GTF2IRD1: variants seen among roughly 807,000 people sequenced by gnomAD.
The protein encoded by GTF2IRD1 is general transcription factor II-I repeat domain-containing protein 1.
GTF2IRD1 carries 26 observed loss-of-function variants against 113.2 expected under a neutral mutation model. That is an observed-to-expected ratio of 0.23 (90% CI 0.17 to 0.32). GTF2IRD1 has a LOEUF of 0.32. Among genes scored for constraint, GTF2IRD1 ranks in the 10% least tolerant of loss-of-function variants. GTF2IRD1 has a pLI of 1.00. For missense variants in GTF2IRD1, 864 were observed against 1,280.8 expected (o/e 0.67, Z 4.97); for synonymous variants, 484 against 529.1 (o/e 0.91, Z 1.17).
At chr7:74,530,608 A>AAAAAG (rs1797908341) in intron 9 of GTF2IRD1, among the ~76,000 whole-genome samples, 1 of 149,276 alleles carries the variant, frequency 6.7e-6, no homozygotes, top group Non-Finnish European at 1.5e-5. Context: ...AAAAAAAAAA[A>AAAAAG]AGGCGGCAGG....
chr7:74,471,672 T>TAA (rs66929736), intron 1 of GTF2IRD1, among the ~76,000 whole-genome samples: 25 of 104,686 alleles, frequency 2.4e-4, no homozygotes, highest in Non-Finnish European at 3.7e-4. Flanking sequence ...TTGAAATATT[T>TAA]AAAAAAAAAA....
chr7:74,497,758 G>A (rs1238068089), intron 1 of GTF2IRD1, among the ~76,000 whole-genome samples: 1 of 151,684 alleles, frequency 6.6e-6, no homozygotes, highest in Non-Finnish European at 1.5e-5. Flanking sequence ...CGCCTGGAGT[G>A]CAATGGCATG....
chr7:74,508,681 A>AC (rs1317275579), intron 2 of GTF2IRD1, among the ~76,000 whole-genome samples: 1 of 135,396 alleles, frequency 7.4e-6, no homozygotes, highest in Non-Finnish European at 1.5e-5. Flanking sequence ...ACAGGGCAAG[A>AC]CTCCGTCTTA....
At chr7:74,582,942 C>G (rs1449493995) in intron 22 of GTF2IRD1, among the ~76,000 whole-genome samples, 1 of 151,680 alleles carries the variant, frequency 6.6e-6, no homozygotes, top group Non-Finnish European at 1.5e-5. Flanking sequence ...CCAGCTACTG[C>G]ACTCCAGCCT....
chr7:74,547,336 C>T, intron 17 of GTF2IRD1, 50 bp downstream of exon 17: 1 of 1,437,838 alleles, frequency 7.0e-7, no homozygotes, highest in Non-Finnish European at 9.5e-7. Context: ...TGCTCAGCAC[C>T]AAGGGGCAGG....
intron 9 of GTF2IRD1, among the ~76,000 whole-genome samples, chr7:74,530,493 AT>A (rs57782999): frequency 0.2 from 20,662 of 102,186 alleles, 1,999 homozygotes; most frequent in African/African-American, 0.32. Context: ...GCACTTTGTA[AT>A]TTTTTTTTTT....
At chr7:74,565,116 C>A (rs587721624) in intron 22 of GTF2IRD1, among the ~76,000 whole-genome samples, 1 of 152,166 alleles carries the variant, frequency 6.6e-6, no homozygotes, top group African/African-American at 2.4e-5. Flanking sequence ...CAGCCCTGCC[C>A]GCAAGGGGCT....
intron 22 of GTF2IRD1, among the ~76,000 whole-genome samples, chr7:74,587,790 T>G (rs1255774628): frequency 2.0e-5 from 3 of 152,048 alleles, no homozygotes; most frequent in Non-Finnish European, 4.4e-5. Context: ...TCTCCAGGGC[T>G]AACTGACTCC....
At chr7:74,532,317 G>A (rs148201666) in intron 9 of GTF2IRD1, among the ~76,000 whole-genome samples, 36 of 152,296 alleles carry the variant, frequency 2.4e-4, no homozygotes, top group African/African-American at 7.9e-4. Flanking sequence ...ACTTGGAAAG[G>A]CTGAGACAGG....
chr7:74,482,701 G>A lies in GTF2IRD1; in HGVS notation c.-6-25374G>A, dbSNP rs918949770. ...CTCTCCCTGACCCACCACGATAACC[G>A]CCGTTCCATCTCCTGGCTTCAGAAT... is the stretch of plus-strand genomic sequence containing the variant. On this transcript the variant is annotated intron_variant, in intron 1 of 26. Transcript: ENST00000424337. 2.8e-4 allele frequency among the ~76,000 whole-genome samples: 42 copies of A among 151,888 alleles called. 1 individual carries two copies. Among genetic ancestry groups the A allele is most frequent in the African/African-American group, 9.4e-4 (39 of 41,326 alleles).
chr7:74,510,733 A>T (rs566813204), intron 2 of GTF2IRD1, among the ~76,000 whole-genome samples: 1 of 152,178 alleles, frequency 6.6e-6, no homozygotes, highest in Non-Finnish European at 1.5e-5. Flanking sequence ...CAGAGGTAGA[A>T]TGTTTTCATA....
At chr7:74,559,508 A>G in intron 21 of GTF2IRD1, 119 bp from the exon 22 acceptor site, 1 of 803,336 alleles carries the variant, frequency 1.2e-6, no homozygotes. Flanking sequence ...TAAAATGCAG[A>G]TTCTGCTGCT....
At position 74,544,796 on chromosome 7, in the gene GTF2IRD1, G is replaced by A. The variant is rs377546526; in HGVS notation, c.1660G>A (p.Val554Met). ...GGACGCGCGGCCCGAGGAGAGGCCC[G>A]TGGAGGGTGAGGCCCTGTCTACCCC... is the stretch of plus-strand genomic sequence containing the variant. Reference protein sequence around the residue: ...SEDARPEERPVEDSHGDVIRP... With the variant: ...SEDARPEERPMEDSHGDVIRP... Residue 554 changes from valine (V) to methionine (M), a missense_variant, in exon 15 of 27, where the codon GTG becomes ATG. By Grantham distance (21) the Val-to-Met change is conservative (BLOSUM62 1). Transcript: ENST00000424337. 1.2e-4 allele frequency: 198 copies of A among 1,613,484 alleles called. No individual in the cohort carries two copies. The highest frequency in any genetic ancestry group is 1.4e-4 in the Non-Finnish European group (169 of 1,179,586).
rs139144176 is a variant in GTF2IRD1 at position 74,508,135 on chromosome 7, C to G, written c.55C>G (p.Arg19Gly). Residue 19 changes from arginine (R) to glycine (G), a missense_variant, in exon 2 of 27, where the codon CGC becomes GGC. By Grantham distance (125) the Arg-to-Gly change is moderately radical. Around this residue, in one of 7 missense-constraint regions of GTF2IRD1, gnomAD observed 182 missense variants for 266.6 expected, o/e 0.68. Coordinates refer to ENST00000424337, the MANE Select transcript of GTF2IRD1 (RefSeq NM_005685.4). Reference sequence around the variant, plus strand: ...CCCCACCAACGGCTGCGGACCCGACCGCTGGAACTCCGCGTTCACCCGCAA... The same window carrying G: ...CCCCACCAACGGCTGCGGACCCGACGGCTGGAACTCCGCGTTCACCCGCAA... The part of the protein sequence containing the change: ...DVPTNGCGPD[R>G]WNSAFTRKDE... 1.2e-6 allele frequency: 2 copies of G among 1,611,878 alleles called. No individual in the cohort carries two copies. The highest frequency in any genetic ancestry group is 1.7e-6 in the Non-Finnish European group (2 of 1,179,986).
intron 22 of GTF2IRD1, among the ~76,000 whole-genome samples, chr7:74,587,750 A>G (rs1376855943): frequency 6.6e-6 from 1 of 151,120 alleles, no homozygotes; most frequent in African/African-American, 2.4e-5. Context: ...CCCAACCCCC[A>G]CTCAGCCTTA....
chr7:74,574,905 A>G (rs587688619), intron 22 of GTF2IRD1, among the ~76,000 whole-genome samples: 1 of 152,170 alleles, frequency 6.6e-6, no homozygotes, highest in East Asian at 1.9e-4. Flanking sequence ...CCTGGCTAAC[A>G]TGGTGAAACT....
intron 24 of GTF2IRD1, 75 bp from the exon 25 acceptor site, chr7:74,594,939 G>C: frequency 9.7e-7 from 1 of 1,036,058 alleles, no homozygotes; most frequent in Non-Finnish European, 1.5e-6. Context: ...GCAACCGAGT[G>C]AGACTCCATC....
intron 22 of GTF2IRD1, among the ~76,000 whole-genome samples, chr7:74,582,700 C>G (rs1377374028): frequency 6.6e-6 from 1 of 152,176 alleles, no homozygotes; most frequent in African/African-American, 2.4e-5. Flanking sequence ...GCCTTCCAGT[C>G]TGATGAGCCA....
chr7:74,575,348 T>C (rs1800978201), intron 22 of GTF2IRD1, among the ~76,000 whole-genome samples: 1 of 152,036 alleles, frequency 6.6e-6, no homozygotes, highest in Non-Finnish European at 1.5e-5. Flanking sequence ...CAGAGGAAGG[T>C]CAGGGGAAGT....
Sources: gnomAD v4.1 joint callset for allele counts (sites outside exome capture counted in the v4.1 genomes callset) on GRCh38, gnomAD v4.1.1 for gene constraint, gnomAD v4.1.1 regional missense constraint, MANE v1.5 for transcripts, NCBI Gene and HGNC (gene_info 2026-07-23, HGNC 2026-07-21) for gene names.